Variants in DOCK5 observed in about 807,000 individuals in gnomAD.
The protein encoded by DOCK5 is dedicator of cytokinesis protein 5.
DOCK5 carries 142 observed loss-of-function variants against 251.8 expected under a neutral mutation model. That is an observed-to-expected ratio of 0.56 (90% CI 0.49 to 0.65). The LOEUF is 0.65. Ranked by LOEUF, DOCK5 falls within the 30% of genes least tolerant of loss-of-function variation. DOCK5 has a pLI of 0.00. For synonymous variants in DOCK5, 842 were observed against 835.5 expected (o/e 1.01, Z -0.13); for missense variants, 2,111 against 2,312.3 (o/e 0.91, Z 1.79).
intron 6 of DOCK5, among the ~76,000 whole-genome samples, chr8:25,294,923 G>A (rs541102797): frequency 2.0e-5 from 3 of 152,124 alleles, no homozygotes; most frequent in African/African-American, 4.8e-5. Flanking sequence ...ACTCTATCAC[G>A]AGAACAGCAC....
At chr8:25,237,903 T>G (rs923022133) in intron 1 of DOCK5, among the ~76,000 whole-genome samples, 2 of 152,200 alleles carry the variant, frequency 1.3e-5, no homozygotes, top group African/African-American at 4.8e-5. Context: ...GCTTAGTAGC[T>G]CATTCAAGGT....
Position 25,310,380 on chromosome 8 carries a change from A to G in DOCK5, c.1193-27A>G, listed in dbSNP as rs779493721. ...TGTTTTATACATCATACAAAGAACTAAACGTTTATCTTTTATTTCTTTTAA... is the reference window on the plus strand; with the variant it reads ...TGTTTTATACATCATACAAAGAACTGAACGTTTATCTTTTATTTCTTTTAA... On this transcript the variant is annotated intron_variant, in intron 12 of 51. Transcript: ENST00000276440. 8 of 1,588,918 alleles carry G rather than the reference A, an allele frequency of 5.0e-6. No homozygotes were observed. The South Asian group carries it at 9.1e-5, about 18-fold the overall frequency.
In DOCK5 at chr8:25,310,620, G is replaced by T. The variant is rs775402924; in HGVS notation, c.1318+88G>T. On this transcript the variant is annotated intron_variant, in intron 13 of 51. Coordinates refer to ENST00000276440, the MANE Select transcript of DOCK5 (RefSeq NM_024940.8). Reference sequence around the variant, plus strand: ...CGGTGGAGGCAACTTGGATCCAGAAGACTTGGTTATTTACATTCATTGGTC... The same window carrying T: ...CGGTGGAGGCAACTTGGATCCAGAATACTTGGTTATTTACATTCATTGGTC... The T allele has an allele frequency of 1.7e-5, 25 of 1,444,434 alleles. No homozygotes were observed. The South Asian group carries it at 1.8e-4, about 10-fold the overall frequency. 89.5% of individuals were successfully genotyped at this position (1,444,434 alleles called of 1,614,324 possible).
chr8:25,343,099 A>G (rs1271325243), intron 25 of DOCK5, among the ~76,000 whole-genome samples: 1 of 151,878 alleles, frequency 6.6e-6, no homozygotes, highest in Non-Finnish European at 1.5e-5. Flanking sequence ...CCCAGGTTCA[A>G]GTGATTCTCC....
chr8:25,225,289 T>C lies in DOCK5; in HGVS notation c.44-18385T>C, dbSNP rs146064167. Among the ~76,000 whole-genome samples the C allele has an allele frequency of 3.7e-3, 569 of 152,312 alleles. 4 individuals carry two copies. Among genetic ancestry groups the C allele is most frequent in the African/African-American group, 0.013 (542 of 41,574 alleles). On this transcript the variant is annotated intron_variant, in intron 1 of 51. Coordinates refer to ENST00000276440, the MANE Select transcript of DOCK5 (RefSeq NM_024940.8). The stretch of plus-strand genomic sequence containing the variant: ...GAAAGCAGGGTCTGGAGGAGATATT[T>C]TTACACTCGTGTTCATAGCAGCACC...
intron 14 of DOCK5, chr8:25,317,427 G>C (rs1269188840): frequency 8.3e-6 from 2 of 242,008 alleles, no homozygotes; most frequent in Non-Finnish European, 1.6e-5. Context: ...TTTCAACTTA[G>C]TTAGCCACTT....
At chr8:25,206,230 G>T (rs1244470876) in intron 1 of DOCK5, among the ~76,000 whole-genome samples, 2 of 152,246 alleles carry the variant, frequency 1.3e-5, no homozygotes, top group South Asian at 2.1e-4. Flanking sequence ...TGAAGCAAAG[G>T]GTGGGTAAAG....
At chr8:25,296,283 C>T (rs1302512012) in intron 6 of DOCK5, among the ~76,000 whole-genome samples, 1 of 152,130 alleles carries the variant, frequency 6.6e-6, no homozygotes, top group Non-Finnish European at 1.5e-5. Context: ...GTCTATGGAC[C>T]ATATTTGCAT....
intron 1 of DOCK5, among the ~76,000 whole-genome samples, chr8:25,208,140 T>A (rs528528579): frequency 6.6e-6 from 1 of 152,358 alleles, no homozygotes; most frequent in East Asian, 1.9e-4. Flanking sequence ...TGAGAATTGC[T>A]GCAATCTCTT....
intron 1 of DOCK5, among the ~76,000 whole-genome samples, chr8:25,236,291 G>A (rs1423398113): frequency 6.6e-6 from 1 of 152,108 alleles, no homozygotes; most frequent in Non-Finnish European, 1.5e-5. Context: ...TGGCGTGATG[G>A]TCATCTCATT....
intron 47 of DOCK5, among the ~76,000 whole-genome samples, chr8:25,402,190 A>G (rs1361262568): frequency 2.0e-5 from 3 of 152,182 alleles, no homozygotes; most frequent in Non-Finnish European, 4.4e-5. Context: ...GTGCAGTGCG[A>G]GATCACAGCT....
At chr8:25,300,486 C>G in intron 8 of DOCK5, 90 bp from the exon 9 acceptor site, 1 of 1,186,392 alleles carries the variant, frequency 8.4e-7, no homozygotes. Flanking sequence ...CTGGCCTTTC[C>G]TCCTTCCCTT....
chr8:25,382,838 T>C, intron 40 of DOCK5, 60 bp downstream of exon 40: 1 of 1,405,050 alleles, frequency 7.1e-7, no homozygotes, highest in Non-Finnish European at 9.9e-7. Context: ...CTCATTTCTT[T>C]TCCAGATGGG....
Position 25,209,453 on chromosome 8 carries a change from AC to A in DOCK5, c.43+24503del, listed in dbSNP as rs1416545961. 4.1e-4 allele frequency among the ~76,000 whole-genome samples: 29 copies of A among 70,714 alleles called. 12 individuals carry two copies. The highest frequency in any genetic ancestry group is 3.9e-3 in the Admixed American group (25 of 6,388). 46.4% of individuals were successfully genotyped at this position (70,714 alleles called of 152,430 possible). The stretch of plus-strand genomic sequence containing the variant: ...TGTGAATTCTGCTTCAAACTCTGCC[AC>A]TAACCAGCTATTTGACCTTCCAGAA... On this transcript the variant is annotated intron_variant, in intron 1 of 51. Transcript: ENST00000276440.
chr8:25,187,220 C>CAT (rs1184463941), intron 1 of DOCK5, among the ~76,000 whole-genome samples: 1 of 146,162 alleles, frequency 6.8e-6, no homozygotes, highest in Non-Finnish European at 1.5e-5. Flanking sequence ...ACTATATATA[C>CAT]ATATATATAC....
At chr8:25,204,309 A>G (rs1801947625) in intron 1 of DOCK5, among the ~76,000 whole-genome samples, 2 of 152,200 alleles carry the variant, frequency 1.3e-5, no homozygotes, top group South Asian at 4.1e-4. Context: ...GGGATAGTGC[A>G]TGGAGTGAAA....
chr8:25,397,307 G>T (rs1801363186), intron 45 of DOCK5, among the ~76,000 whole-genome samples: 1 of 152,168 alleles, frequency 6.6e-6, no homozygotes, highest in Admixed American at 6.5e-5. Flanking sequence ...CTGTGTAGAA[G>T]GAACATCAGA....
chr8:25,278,712 T>C (rs760718311), intron 5 of DOCK5, 47 bp downstream of exon 5: 1 of 1,567,570 alleles, frequency 6.4e-7, no homozygotes, highest in Non-Finnish European at 8.7e-7. Flanking sequence ...CTCTGGGTCC[T>C]CAGCCTGTAG....
In DOCK5 at chr8:25,382,764, C is replaced by T. The variant is rs569578600; in HGVS notation, c.4117C>T (p.Pro1373Ser). The T allele has an allele frequency of 6.2e-7, 1 of 1,613,350 alleles. No individual in the cohort carries two copies. The highest frequency in any genetic ancestry group is 2.2e-5 in the East Asian group (1 of 44,854). Residue 1373 changes from proline to serine, a missense_variant, in exon 40 of 52, where the codon CCT (proline) becomes TCT (serine). Pro to Ser is a moderately conservative substitution (Grantham distance 74). Coordinates refer to ENST00000276440, the MANE Select transcript of DOCK5 (RefSeq NM_024940.8). ...TGTTGGATACTATGGACAGGGCTTT[C>T]CTTCTTTCCTACGGGTAAGAAACCT... ...FAVGYYGQGF[P>S]SFLRNKIFIY...
Sources: gnomAD v4.1 joint callset for allele counts (sites outside exome capture counted in the v4.1 genomes callset) on GRCh38, gnomAD v4.1.1 for gene constraint, MANE v1.5 for transcripts, NCBI Gene and HGNC (gene_info 2026-07-23, HGNC 2026-07-21) for gene names.